EIF3L: variants seen among roughly 807,000 people sequenced by gnomAD.
The protein encoded by EIF3L is eukaryotic translation initiation factor 3 subunit L, also known as eIEF associated protein HSPC021.
In EIF3L, 32 loss-of-function variants were observed where a neutral mutation model predicts 74.6. That is an observed-to-expected ratio of 0.43 (90% confidence interval 0.32 to 0.58). The LOEUF (loss-of-function observed/expected upper bound fraction) is 0.58, where lower values mean the gene tolerates loss of function less well. Ranked by LOEUF, EIF3L falls within the 20% of genes least tolerant of loss-of-function variation. The pLI is 0.06. For missense variants in EIF3L, 474 were observed against 707.8 expected, an observed-to-expected ratio of 0.67 and a Z score of 3.75; for synonymous variants, 256 against 254.4, an observed-to-expected ratio of 1.01 and a Z score of -0.06.
At chr22:37,850,393 G>A in intron 2 of EIF3L, 1 of 267,370 alleles carries the variant, frequency 3.7e-6, no homozygotes, top group Non-Finnish European at 7.4e-6. Flanking sequence ...GAGTGCAGTG[G>A]TGCGATCTCG....
At position 37,878,201 on chromosome 22, in the gene EIF3L, G is replaced by T. The variant is rs183719935; in HGVS notation, c.1575+30G>T. On this transcript the variant is annotated intron_variant, in intron 11 of 12. Coordinates refer to ENST00000652021, the MANE Select transcript of EIF3L (RefSeq NM_016091.4). ...GCCTGTCCCCTGGGCTTGGGGTCTT[G>T]TATTAAGTGTTCAGTATCTTTCATT... 2.6e-6 allele frequency: 4 copies of T among 1,557,760 alleles called. No individual in the cohort carries two copies. In the South Asian group the frequency reaches 3.7e-5, roughly 14 times the overall value.
chr22:37,867,711 T>C (rs986877041), intron 7 of EIF3L, among the ~76,000 whole-genome samples: 1 of 149,270 alleles, frequency 6.7e-6, no homozygotes, highest in African/African-American at 2.5e-5. Flanking sequence ...TCCCAGCACT[T>C]TGGGAGGCCG....
chr22:37,878,807 A>G (rs1926893712), intron 11 of EIF3L: 2 of 152,336 alleles, frequency 1.3e-5, no homozygotes, highest in Admixed American at 1.3e-4. Flanking sequence ...GAAGTTGCCA[A>G]GCACTGCAGA....
intron 11 of EIF3L, chr22:37,880,191 T>A (rs988758197): frequency 2.7e-5 from 4 of 148,864 alleles, no homozygotes; most frequent in Non-Finnish European, 1.5e-5. Context: ...CAGCTCACTG[T>A]AAGCTTCACC....
intron 11 of EIF3L, chr22:37,885,425 G>A (rs1383805257): frequency 6.7e-6 from 1 of 148,894 alleles, no homozygotes; most frequent in African/African-American, 2.4e-5. Flanking sequence ...GCTGGTTCAG[G>A]TTTGTCTTTG....
chr22:37,865,964 G>T (rs1289105096), intron 7 of EIF3L, among the ~76,000 whole-genome samples: 1 of 152,192 alleles, frequency 6.6e-6, no homozygotes, highest in Non-Finnish European at 1.5e-5. Context: ...GTCAGTAAGT[G>T]GCTGGTGTAT....
chr22:37,883,946 GA>G (rs1927190715), intron 11 of EIF3L: 3 of 146,010 alleles, frequency 2.1e-5, no homozygotes, highest in African/African-American at 7.6e-5. Context: ...ATGAATGAAT[GA>G]AGAATTCAGT....
At chr22:37,856,091 T>G (rs1262222602) in intron 4 of EIF3L, among the ~76,000 whole-genome samples, 2 of 152,014 alleles carry the variant, frequency 1.3e-5, no homozygotes, top group African/African-American at 4.8e-5. Flanking sequence ...GGAGTCTCGT[T>G]CTGTCTCCCA....
intron 11 of EIF3L, 161 bp from the exon 12 acceptor site, chr22:37,886,604 T>G: frequency 8.5e-6 from 4 of 469,778 alleles, no homozygotes; most frequent in East Asian, 4.0e-5. Flanking sequence ...CTAGAAAGAG[T>G]GAGTTACTGT....
In EIF3L at chr22:37,868,280, A is replaced by AT. The variant is rs750122946; in HGVS notation, c.580-1880dup. On this transcript the variant is annotated intron_variant, in intron 7 of 12. Coordinates refer to ENST00000652021, the MANE Select transcript of EIF3L (RefSeq NM_016091.4). Reference sequence around the variant, plus strand: ...AGGTGTGCACCACCACGCCCTGCTAATTTTTTTTTTTTTTTTGCATTTTTA... The same window carrying AT: ...AGGTGTGCACCACCACGCCCTGCTAATTTTTTTTTTTTTTTTTGCATTTTTA... Among the ~76,000 whole-genome samples the AT allele has an allele frequency of 5.4e-3, 702 of 130,312 alleles. 4 individuals carry two copies. Among genetic ancestry groups the AT allele is most frequent in the African/African-American group, 0.011 (402 of 35,490 alleles). 85.5% of individuals were successfully genotyped at this position (130,312 alleles called of 152,430 possible).
intron 10 of EIF3L, chr22:37,877,387 T>C: frequency 2.8e-6 from 1 of 363,568 alleles, no homozygotes; most frequent in Non-Finnish European, 5.0e-6. Flanking sequence ...CGATCCTAAC[T>C]GTGTAAAAGG....
chr22:37,859,625 G>A (rs1482587915), intron 5 of EIF3L, among the ~76,000 whole-genome samples: 4 of 151,372 alleles, frequency 2.6e-5, no homozygotes, highest in Admixed American at 6.6e-5. Context: ...CTCGTGTTCC[G>A]CCCGCCTTGG....
chr22:37,874,709 G>GT (rs1569120357), intron 9 of EIF3L, among the ~76,000 whole-genome samples, 185 bp downstream of exon 9: 1 of 152,098 alleles, frequency 6.6e-6, no homozygotes. Flanking sequence ...GATTTTGGTA[G>GT]TTAACAACAG....
chr22:37,852,850 TAGTG>T (rs1925299701), intron 3 of EIF3L, among the ~76,000 whole-genome samples: 1 of 145,414 alleles, frequency 6.9e-6, no homozygotes, highest in Admixed American at 6.7e-5. Flanking sequence ...GGGGGTTAGT[TAGTG>T]AGGAGAGAGA....
intron 2 of EIF3L, among the ~76,000 whole-genome samples, chr22:37,851,024 C>T (rs73883959): frequency 0.01 from 1,572 of 152,200 alleles, 33 homozygotes; most frequent in African/African-American, 0.036. Context: ...ACAAGACAGA[C>T]GAGATTCCTG....
intron 6 of EIF3L, 68 bp from the exon 7 acceptor site, chr22:37,863,204 A>G (rs1459027417): frequency 1.8e-5 from 25 of 1,411,658 alleles, no homozygotes; most frequent in South Asian, 3.7e-5. Context: ...ATTACAAAGC[A>G]TTCTGCAGCC....
rs549425262 is a variant in EIF3L at position 37,858,219 on chromosome 22, CTTTTTTTTT to C, written c.374-443_374-435del. 8.5e-3 allele frequency among the ~76,000 whole-genome samples: 723 copies of C among 85,108 alleles called. 14 individuals carry two copies. The highest frequency in any genetic ancestry group is 0.033 in the African/African-American group (689 of 20,574). 55.8% of individuals were successfully genotyped at this position (85,108 alleles called of 152,430 possible). On this transcript the variant is annotated intron_variant, in intron 4 of 12. Coordinates refer to ENST00000652021, the MANE Select transcript of EIF3L (RefSeq NM_016091.4). ...TCTGAAATTAATATTTTCTTTCTTC[CTTTTTTTTT>C]TTTTTTTTTTTTTTTTGACATGGGG... is the stretch of plus-strand genomic sequence containing the variant.
rs1406637319 is a variant in EIF3L, at chr22:37,874,423, C to T, written c.805C>T (p.Leu269Phe). The change falls in exon 9 of 13, where the codon CTT becomes TTT. Residue 269 changes from leucine (L) to phenylalanine (F), a missense_variant. Transcript: ENST00000652021. ...TGGGCGGCACTCCCTCTACAAAATG[C>T]TTGGTTACTTCAGCCTGGTCGGGCT... ...EYGRHSLYKM[L>F]GYFSLVGLLR... 1.2e-6 allele frequency: 2 copies of T among 1,613,970 alleles called. No individual in the cohort carries two copies. The highest frequency in any genetic ancestry group is 2.7e-5 in the African/African-American group (2 of 74,906).
intron 7 of EIF3L, among the ~76,000 whole-genome samples, chr22:37,868,052 C>T (rs370591156): frequency 6.8e-6 from 1 of 147,318 alleles, no homozygotes; most frequent in Non-Finnish European, 1.5e-5. Flanking sequence ...CATCACTATT[C>T]TTTGCCTGTT....
Sources: gnomAD v4.1 joint callset for allele counts (sites outside exome capture counted in the v4.1 genomes callset) on GRCh38, gnomAD v4.1.1 for gene constraint, MANE v1.5 for transcripts, NCBI Gene and HGNC (gene_info 2026-07-23, HGNC 2026-07-21) for gene names.